The following DARS1 variants were observed in gnomAD, a reference collection of about 807,000 sequenced individuals.
DARS1 encodes the protein aspartate--tRNA ligase, cytoplasmic.
DARS1 carries 51 observed loss-of-function variants against 68.8 expected under a neutral mutation model. That is an observed-to-expected ratio of 0.74 (90% CI 0.59 to 0.94). The LOEUF (loss-of-function observed/expected upper bound fraction) is 0.94, where lower values mean the gene tolerates loss of function less well. DARS1 is among the 40% of genes least tolerant of loss of function. The pLI is 0.00. For missense variants in DARS1, 607 were observed against 597.3 expected, an observed-to-expected ratio of 1.02 and a Z score of -0.17; for synonymous variants, 203 against 190.4, an observed-to-expected ratio of 1.07 and a Z score of -0.55.
chr2:135,972,508 G>A (rs1287916794), intron 3 of DARS1, among the ~76,000 whole-genome samples: 2 of 152,152 alleles, frequency 1.3e-5, no homozygotes, highest in African/African-American at 4.8e-5. Context: ...CTAGGACACT[G>A]GTCTGGGCAA....
intron 5 of DARS1, among the ~76,000 whole-genome samples, chr2:135,942,441 G>A (rs575821763): frequency 2.5e-4 from 36 of 145,800 alleles, no homozygotes; most frequent in African/African-American, 8.7e-4. Flanking sequence ...ACTCATAGGT[G>A]GGAATTGAAC....
chr2:135,964,394 A>G (rs982187035), intron 3 of DARS1, among the ~76,000 whole-genome samples: 2 of 152,200 alleles, frequency 1.3e-5, no homozygotes, highest in South Asian at 4.1e-4. Flanking sequence ...TACAGAAGAA[A>G]GGTAAGGGCT....
intron 5 of DARS1, among the ~76,000 whole-genome samples, chr2:135,937,299 G>C (rs1261443822): frequency 6.6e-6 from 1 of 151,912 alleles, no homozygotes; most frequent in African/African-American, 2.4e-5. Flanking sequence ...ATGTTGATCA[G>C]GCTGGTTTTG....
At chr2:135,919,904 C>T (rs79715594) in intron 10 of DARS1, among the ~76,000 whole-genome samples, 1 of 152,108 alleles carries the variant, frequency 6.6e-6, no homozygotes, top group Admixed American at 6.5e-5. Flanking sequence ...ATTTACATGT[C>T]GACAGATTCA....
At chr2:135,910,507 A>G (rs971681134) in intron 15 of DARS1, among the ~76,000 whole-genome samples, 1 of 152,118 alleles carries the variant, frequency 6.6e-6, no homozygotes, top group Non-Finnish European at 1.5e-5. Flanking sequence ...ATTTTTGTAT[A>G]TGATGTTAGG....
intron 4 of DARS1, among the ~76,000 whole-genome samples, chr2:135,952,398 T>C (rs1299757609): frequency 6.6e-6 from 1 of 152,150 alleles, no homozygotes; most frequent in Non-Finnish European, 1.5e-5. Context: ...CCTCAAACAT[T>C]TATCACTTCC....
chr2:135,943,312 T>G (rs1196121765), intron 5 of DARS1, 66 bp downstream of exon 5: 2 of 1,557,640 alleles, frequency 1.3e-6, no homozygotes, highest in African/African-American at 2.8e-5. Flanking sequence ...CATATAAATT[T>G]GACATGAAAA....
chr2:135,906,840 T>G lies in DARS1; in HGVS notation c.*476A>C, dbSNP rs1680791308. On this transcript the variant is annotated 3_prime_UTR_variant, in exon 16 of 16. Coordinates refer to ENST00000264161, the MANE Select transcript of DARS1 (RefSeq NM_001349.4). ...GGTTAATTTTCCATGATATGCCAAT[T>G]ATACATTCATTAAAATTTCAGATGC... 6.6e-6 allele frequency: 1 copy of G among 152,640 alleles called. No individual in the cohort carries two copies. Among genetic ancestry groups the G allele is most frequent in the Non-Finnish European group, 1.5e-5 (1 of 68,190 alleles). 9.5% of individuals were successfully genotyped at this position (152,640 alleles called of 1,614,324 possible).
At chr2:135,934,753 C>T (rs1681428294) in intron 5 of DARS1, among the ~76,000 whole-genome samples, 1 of 151,734 alleles carries the variant, frequency 6.6e-6, no homozygotes, top group Non-Finnish European at 1.5e-5. Context: ...TGTGAAAACA[C>T]TTTACTCATG....
At chr2:135,976,782 C>CAAA (rs10598545) in intron 3 of DARS1, among the ~76,000 whole-genome samples, 24 of 104,528 alleles carry the variant, frequency 2.3e-4, no homozygotes, top group African/African-American at 6.5e-4. Flanking sequence ...GCAAATATTC[C>CAAA]AAAAAAAAAA....
intron 1 of DARS1, 100 bp downstream of exon 1, chr2:135,985,303 C>T (rs1379467059): frequency 3.4e-6 from 5 of 1,470,648 alleles, no homozygotes; most frequent in Non-Finnish European, 4.5e-6. Context: ...GGAGAACGTG[C>T]CGACAAGGAC....
intron 4 of DARS1, among the ~76,000 whole-genome samples, chr2:135,946,741 T>C (rs1239924553): frequency 2.6e-5 from 4 of 152,098 alleles, no homozygotes; most frequent in African/African-American, 7.2e-5. Context: ...TGCAAATAAA[T>C]GGAGACATAA....
chr2:135,974,042 A>C (rs80342688), intron 3 of DARS1, among the ~76,000 whole-genome samples: 3,597 of 152,260 alleles, frequency 0.024, 142 homozygotes, highest in African/African-American at 0.082. Flanking sequence ...TATGTACCCC[A>C]AAAATATATA....
chr2:135,969,870 T>C (rs769652611), intron 3 of DARS1, among the ~76,000 whole-genome samples: 53 of 152,210 alleles, frequency 3.5e-4, no homozygotes, highest in Admixed American at 1.8e-3. Context: ...AACTGATTAA[T>C]ACATAACCTT....
At chr2:135,949,067 CTAA>C (rs1399194280) in intron 4 of DARS1, among the ~76,000 whole-genome samples, 1 of 151,684 alleles carries the variant, frequency 6.6e-6, no homozygotes, top group Non-Finnish European at 1.5e-5. Context: ...ACCACAATGA[CTAA>C]TATAAAGAAA....
At chr2:135,938,094 G>A (rs1681509656) in intron 5 of DARS1, among the ~76,000 whole-genome samples, 1 of 152,190 alleles carries the variant, frequency 6.6e-6, no homozygotes, top group Non-Finnish European at 1.5e-5. Context: ...TTCCAACTTG[G>A]TTCCATTCTC....
In DARS1 at chr2:135,939,479, A is replaced by G. The variant is rs558740044; in HGVS notation, c.423+3899T>C. ...AAATCAATGAGAACAAAGACACAAC[A>G]TACCAGAATCTCTGGGACACATTTA... is the stretch of plus-strand genomic sequence containing the variant. On this transcript the variant is annotated intron_variant, in intron 5 of 15. Transcript: ENST00000264161. Among the ~76,000 whole-genome samples, 6 of 152,350 alleles carry G rather than the reference A, an allele frequency of 3.9e-5. No homozygotes were observed. In the East Asian group the frequency reaches 1.2e-3, roughly 29 times the overall value.
chr2:135,926,264 T>C (rs1426203361), intron 7 of DARS1, among the ~76,000 whole-genome samples: 1 of 152,212 alleles, frequency 6.6e-6, no homozygotes, highest in Non-Finnish European at 1.5e-5. Context: ...TTAATATGAA[T>C]AGAAATTTCA....
At chr2:135,982,381 A>C (rs1682655009) in intron 2 of DARS1, among the ~76,000 whole-genome samples, 2 of 151,968 alleles carry the variant, frequency 1.3e-5, no homozygotes, top group Non-Finnish European at 2.9e-5. Flanking sequence ...GATTGCCTTG[A>C]GTTCAGGAGT....
Sources: gnomAD v4.1 joint callset for allele counts (sites outside exome capture counted in the v4.1 genomes callset) on GRCh38, gnomAD v4.1.1 for gene constraint, MANE v1.5 for transcripts, NCBI Gene and HGNC (gene_info 2026-07-23, HGNC 2026-07-21) for gene names.